COL24A1: variants seen among roughly 807,000 people sequenced by gnomAD.
The protein encoded by COL24A1 is collagen alpha-1(XXIV) chain.
A neutral mutation model predicts 253.9 loss-of-function variants in COL24A1; 224 were observed. The ratio of observed to expected loss-of-function variants is 0.88; its 90% CI spans 0.79 to 0.99. The LOEUF (loss-of-function observed/expected upper bound fraction) is 0.99. Ranked by LOEUF, COL24A1 falls within the 50% of genes least tolerant of loss-of-function variation. The pLI, the probability that COL24A1 is intolerant of heterozygous loss-of-function variation, is 0.00. For synonymous variants in COL24A1, 685 were observed against 673.7 expected, an observed-to-expected ratio of 1.02 and a Z score of -0.26; for missense variants, 2,131 against 2,068.5, an observed-to-expected ratio of 1.03 and a Z score of -0.59.
chr1:86,016,545 G>C (rs1229753562), intron 19 of COL24A1, among the ~76,000 whole-genome samples: 1 of 152,178 alleles, frequency 6.6e-6, no homozygotes, highest in African/African-American at 2.4e-5. Flanking sequence ...TTTGAAACTA[G>C]AGTGAGCTTC....
intron 19 of COL24A1, among the ~76,000 whole-genome samples, chr1:85,991,651 T>C (rs4912453): frequency 0.47 from 70,939 of 152,004 alleles, 16,943 homozygotes; most frequent in East Asian, 0.61. Flanking sequence ...TGGGTAAACA[T>C]GCAACACTGA....
intron 24 of COL24A1, among the ~76,000 whole-genome samples, chr1:85,949,928 T>C (rs769735183): frequency 1.3e-5 from 2 of 152,158 alleles, no homozygotes; most frequent in Non-Finnish European, 2.9e-5. Flanking sequence ...GATCCAGTGG[T>C]ATAAAACTAA....
At chr1:85,833,803 C>A (rs545948498) in intron 43 of COL24A1, among the ~76,000 whole-genome samples, 2 of 152,088 alleles carry the variant, frequency 1.3e-5, no homozygotes, top group Admixed American at 6.6e-5. Flanking sequence ...AGGATGAGTT[C>A]ATGTCCTTTG....
intron 57 of COL24A1, among the ~76,000 whole-genome samples, chr1:85,738,868 C>A (rs1396300206): frequency 6.6e-6 from 1 of 152,172 alleles, no homozygotes; most frequent in Non-Finnish European, 1.5e-5. Context: ...TCAGCTGCAG[C>A]AGTGTTCAAA....
intron 11 of COL24A1, 126 bp downstream of exon 11, chr1:86,049,998 A>C (rs1700183738): frequency 1.5e-6 from 1 of 687,424 alleles, no homozygotes; most frequent in Admixed American, 2.9e-5. Flanking sequence ...CTGGCAGGTG[A>C]TTTTTCTTCA....
chr1:86,006,267 A>G (rs750103492), intron 19 of COL24A1, among the ~76,000 whole-genome samples: 1 of 151,864 alleles, frequency 6.6e-6, no homozygotes, highest in Non-Finnish European at 1.5e-5. Flanking sequence ...CTTACTATAA[A>G]GCTACAATAT....
Position 86,156,622 on chromosome 1 carries a change from CG to C in COL24A1, c.-227del. Reference sequence around the variant, plus strand: ...GCTTCCTAGCTCTCTGGCTCGGTAACGAACGAGCCCAGGGTTGCGCTCCCCG... The same window carrying C: ...GCTTCCTAGCTCTCTGGCTCGGTAACAACGAGCCCAGGGTTGCGCTCCCCG... On this transcript the variant is annotated 5_prime_UTR_variant, in exon 1 of 60. Coordinates refer to ENST00000370571, the MANE Select transcript of COL24A1 (RefSeq NM_152890.7). 1 of 388,130 alleles carries C rather than the reference CG, an allele frequency of 2.6e-6. No individual in the cohort carries two copies. Among genetic ancestry groups the C allele is most frequent in the Non-Finnish European group, 4.6e-6 (1 of 218,902 alleles). The allele number at this position is 388,130 out of a possible 1,614,324, so 24.0% of individuals were successfully genotyped here.
chr1:85,735,617 T>A (rs185325926), intron 58 of COL24A1, among the ~76,000 whole-genome samples: 144 of 152,192 alleles, frequency 9.5e-4, no homozygotes, highest in Non-Finnish European at 1.5e-3. Context: ...ATTGAATGAA[T>A]GAATGAATGC....
intron 14 of COL24A1, among the ~76,000 whole-genome samples, chr1:86,023,432 A>G (rs561780136): frequency 1.3e-4 from 20 of 152,282 alleles, no homozygotes; most frequent in African/African-American, 4.3e-4. Context: ...TTGAGGAGTT[A>G]CTATGTGCCA....
chr1:85,818,049 C>T lies in COL24A1; in HGVS notation c.3828G>A (p.Gly1276=). The T allele has an allele frequency of 1.2e-6, 2 of 1,613,608 alleles. No individual in the cohort carries two copies. Among genetic ancestry groups the T allele is most frequent in the Non-Finnish European group, 8.5e-7 (1 of 1,179,636 alleles). ...KGKKGAPGPS[G]KPGIPGLQGL... is the part of the protein sequence containing the mutation. ...TGTTACTTACAGGAATCCCAGGTTT[C>T]CCAGAAGGACCAGGAGCTCCTTTTT... Residue 1276 remains glycine, a synonymous_variant, in exon 46 of 60, where the codon GGG becomes GGA. Transcript: ENST00000370571.
intron 12 of COL24A1, among the ~76,000 whole-genome samples, chr1:86,042,408 A>G (rs903770617): frequency 6.6e-6 from 1 of 152,148 alleles, no homozygotes; most frequent in Non-Finnish European, 1.5e-5. Context: ...ATTAAATCTA[A>G]TAAACATAAC....
rs184361430 is a variant in COL24A1, at chr1:85,918,861, A to T, written c.2563-7428T>A. 1.6e-3 allele frequency among the ~76,000 whole-genome samples: 239 copies of T among 152,338 alleles called. 2 individuals are homozygous for T. The Middle Eastern group carries it at 0.034, about 22-fold the overall frequency. On this transcript the variant is annotated intron_variant, in intron 24 of 59. Transcript: ENST00000370571. ...AAAAAATGGTATAGCAGATTGTTTT[A>T]CTGTTTGAAATATTCACTGCTCCTT...
At chr1:85,771,392 G>T (rs1189036187) in intron 53 of COL24A1, among the ~76,000 whole-genome samples, 1 of 152,054 alleles carries the variant, frequency 6.6e-6, no homozygotes, top group Non-Finnish European at 1.5e-5. Flanking sequence ...GAGAATGATG[G>T]TTTCCAGCTT....
intron 22 of COL24A1, among the ~76,000 whole-genome samples, chr1:85,966,261 C>G (rs903955864): frequency 6.6e-6 from 1 of 152,002 alleles, no homozygotes; most frequent in Non-Finnish European, 1.5e-5. Context: ...ATGAAGAAGA[C>G]TGAAAACAGG....
chr1:86,028,811 A>G (rs1698285480), intron 14 of COL24A1, among the ~76,000 whole-genome samples: 1 of 152,202 alleles, frequency 6.6e-6, no homozygotes, highest in African/African-American at 2.4e-5. Context: ...GGAGCAGAAA[A>G]GTAGAGATAG....
intron 2 of COL24A1, among the ~76,000 whole-genome samples, chr1:86,131,221 C>T (rs1649122133): frequency 6.6e-6 from 1 of 151,930 alleles, no homozygotes; most frequent in Admixed American, 6.6e-5. Context: ...AAGAATATGG[C>T]ACCATATTGA....
At chr1:85,793,171 T>G (rs1299662460) in intron 47 of COL24A1, among the ~76,000 whole-genome samples, 3 of 152,182 alleles carry the variant, frequency 2.0e-5, no homozygotes, top group African/African-American at 7.2e-5. Flanking sequence ...TTTTAAAAAT[T>G]ATCCTTTCTA....
chr1:86,124,680 G>A (rs1282114661), intron 3 of COL24A1, among the ~76,000 whole-genome samples, 165 bp downstream of exon 3: 1 of 151,894 alleles, frequency 6.6e-6, no homozygotes, highest in Non-Finnish European at 1.5e-5. Flanking sequence ...TGGCAGATAT[G>A]TTACAGCAAC....
At chr1:86,063,167 A>T (rs1202772688) in intron 8 of COL24A1, among the ~76,000 whole-genome samples, 1 of 152,110 alleles carries the variant, frequency 6.6e-6, no homozygotes, top group Non-Finnish European at 1.5e-5. Context: ...AAATAGTTCC[A>T]AAACTATTTT....
Sources: allele counts gnomAD v4.1 joint callset (sites outside exome capture counted in the v4.1 genomes callset), GRCh38; gene constraint gnomAD v4.1.1; transcripts MANE v1.5; gene names NCBI Gene and HGNC (gene_info 2026-07-23, HGNC 2026-07-21).